POGLUT3: variants seen among roughly 807,000 people sequenced by gnomAD.
POGLUT3 encodes KDEL (Lys-Asp-Glu-Leu) containing 2.
Under a neutral mutation model 54.3 loss-of-function variants are expected in POGLUT3, and 48 were observed. The observed-to-expected ratio is 0.88, with a 90% confidence interval of 0.70 to 1.12. The LOEUF (loss-of-function observed/expected upper bound fraction) is 1.12, where lower values mean the gene tolerates loss of function less well. Among genes scored for constraint, POGLUT3 ranks in the 50% most tolerant of loss-of-function variants. POGLUT3 has a pLI of 0.00. For missense variants in POGLUT3, 629 were observed against 618.7 expected (o/e 1.02, Z -0.18); for synonymous variants, 218 against 237.4 (o/e 0.92, Z 0.75).
At chr11:108,475,463 GTTTTTGTTTTTT>G (rs2093579637) in intron 7 of POGLUT3, among the ~76,000 whole-genome samples, 1 of 109,926 alleles carries the variant, frequency 9.1e-6, no homozygotes, top group Non-Finnish European at 1.8e-5. Context: ...AGTTTTTTTT[GTTTTTGTTTTTT>G]TTTTTTTTTG....
At chr11:108,492,892 C>A (rs1023548729) in intron 1 of POGLUT3, among the ~76,000 whole-genome samples, 1 of 152,084 alleles carries the variant, frequency 6.6e-6, no homozygotes, top group Non-Finnish European at 1.5e-5. Context: ...CATTATTTCC[C>A]ACATGGTTTC....
At chr11:108,484,803 C>T (rs567934073) in intron 3 of POGLUT3, among the ~76,000 whole-genome samples, 1 of 152,194 alleles carries the variant, frequency 6.6e-6, no homozygotes, top group South Asian at 2.1e-4. Flanking sequence ...TTTATGGTCT[C>T]TCTAAGTAAG....
intron 3 of POGLUT3, among the ~76,000 whole-genome samples, chr11:108,484,353 T>C (rs1026257111): frequency 6.6e-6 from 1 of 152,088 alleles, no homozygotes; most frequent in African/African-American, 2.4e-5. Context: ...ATCCTCACAT[T>C]GTGGGCTGGT....
intron 5 of POGLUT3, among the ~76,000 whole-genome samples, chr11:108,480,855 T>C (rs1424980474): frequency 6.6e-6 from 1 of 151,020 alleles, no homozygotes; most frequent in Non-Finnish European, 1.5e-5. Flanking sequence ...GATCACTTTA[T>C]GTAAAAGGTA....
Position 108,474,458 on chromosome 11 carries a change from T to C in POGLUT3, c.*369A>G, listed in dbSNP as rs2093576293. 6.5e-6 allele frequency: 1 copy of C among 153,314 alleles called. No individual in the cohort carries two copies. Among genetic ancestry groups the C allele is most frequent in the Admixed American group, 6.5e-5 (1 of 15,300 alleles). The allele number at this position is 153,314 out of a possible 1,614,324, so 9.5% of individuals were successfully genotyped here. The stretch of plus-strand genomic sequence containing the variant: ...ACCTTTGCTTTCTGACAGTTCAATG[T>C]ATACAAACTTTGTTTCATGCACAAA... On this transcript the variant is annotated 3_prime_UTR_variant, in exon 8 of 8. Transcript: ENST00000323468.
In POGLUT3 at chr11:108,481,312, C is replaced by G; in HGVS notation, c.966G>C (p.Arg322Ser). 1 of 1,612,398 alleles carries G rather than the reference C, an allele frequency of 6.2e-7. No homozygotes were observed. Among genetic ancestry groups the G allele is most frequent in the East Asian group, 2.2e-5 (1 of 44,794 alleles). Residue 322 changes from arginine to serine, a missense_variant, in exon 5 of 8, where the codon AGG becomes AGC. Transcript: ENST00000323468. The stretch of plus-strand genomic sequence containing the variant: ...CTTTGGACAGCTGTACCAACTGGAG[C>G]CTCTCCTCTCGGCTGTCTCTACCTC... ...FFRGRDSREE[R>S]LQLVQLSKEN...
At chr11:108,482,896 C>G (rs1179805082) in intron 3 of POGLUT3, among the ~76,000 whole-genome samples, 2 of 152,134 alleles carry the variant, frequency 1.3e-5, no homozygotes, top group African/African-American at 4.8e-5. Flanking sequence ...CCCTTGTTTT[C>G]CTTCACTGTC....
At position 108,498,301 on chromosome 11, in the gene POGLUT3, GGCCCCC is replaced by G. The variant is rs1429400092; in HGVS notation, c.60_65del (p.Gly21_Ala22del). 6.9e-7 allele frequency: 1 copy of G among 1,455,942 alleles called. No homozygotes were observed. Among genetic ancestry groups the G allele is most frequent in the South Asian group, 1.4e-5 (1 of 73,316 alleles). 90.2% of individuals were successfully genotyped at this position (1,455,942 alleles called of 1,614,324 possible). ...GCGGCGCGCTGACCAGCACCTCCGG[GGCCCCC>G]GCGGCCACCAGCAGGGCGAGGCGCA... is the stretch of plus-strand genomic sequence containing the variant. On this transcript the variant is annotated inframe_deletion, in exon 1 of 8. Coordinates refer to ENST00000323468, the MANE Select transcript of POGLUT3 (RefSeq NM_153705.5).
intron 2 of POGLUT3, 111 bp from the exon 3 acceptor site, chr11:108,486,551 C>A: frequency 9.1e-7 from 1 of 1,093,538 alleles, no homozygotes. Flanking sequence ...CAGAGATAAT[C>A]TGCCCTAGAC....
chr11:108,488,393 A>C (rs1260707783), intron 2 of POGLUT3, among the ~76,000 whole-genome samples: 2 of 152,170 alleles, frequency 1.3e-5, no homozygotes, highest in African/African-American at 4.8e-5. Context: ...GATGGGGAAC[A>C]AATAAGGTAA....
chr11:108,484,888 T>G (rs1479835282), intron 3 of POGLUT3, among the ~76,000 whole-genome samples: 3 of 152,210 alleles, frequency 2.0e-5, no homozygotes, highest in East Asian at 3.9e-4. Flanking sequence ...TTTAAGTTGC[T>G]CTGCTTAAGA....
intron 3 of POGLUT3, 140 bp downstream of exon 3, chr11:108,486,017 A>T: frequency 1.5e-6 from 1 of 670,642 alleles, no homozygotes; most frequent in Non-Finnish European, 2.5e-6. Context: ...GGAGAACATG[A>T]TGAACACTCA....
chr11:108,486,228 G>A lies in POGLUT3; in HGVS notation c.613C>T (p.Arg205Trp), dbSNP rs778413475. ...HYTILNNHVY[R>W]RSLGKYTDFK... ...TCTGTGTATTTCCCTAAAGATCTCC[G>A]GTAAACATGGTTATTGAGAATCGTG... The change falls in exon 3 of 8, where the codon CGG (arginine) becomes TGG (tryptophan). Residue 205 changes from arginine to tryptophan, a missense_variant. Arg to Trp is a moderately radical substitution (Grantham distance 101, BLOSUM62 -3). Transcript: ENST00000323468. 114 of 1,613,432 alleles carry A rather than the reference G, an allele frequency of 7.1e-5. No individual in the cohort carries two copies. Among genetic ancestry groups the A allele is most frequent in the Admixed American group, 1.7e-4 (10 of 59,980 alleles).
chr11:108,482,375 T>C (rs2093594575), intron 3 of POGLUT3, among the ~76,000 whole-genome samples, 153 bp from the exon 4 acceptor site: 1 of 152,208 alleles, frequency 6.6e-6, no homozygotes, highest in African/African-American at 2.4e-5. Flanking sequence ...ACAGGATGGC[T>C]GTGAATTTGT....
intron 6 of POGLUT3, chr11:108,477,936 G>C (rs1194175346): frequency 3.8e-6 from 2 of 521,020 alleles, no homozygotes; most frequent in Non-Finnish European, 6.8e-6. Flanking sequence ...ATCACTTAAG[G>C]TCAAGAGTTC....
chr11:108,480,279 A>T (rs2093589963), intron 5 of POGLUT3, among the ~76,000 whole-genome samples: 1 of 152,212 alleles, frequency 6.6e-6, no homozygotes, highest in African/African-American at 2.4e-5. Flanking sequence ...AGCTGAGGAG[A>T]TAGAAACCTG....
intron 7 of POGLUT3, among the ~76,000 whole-genome samples, chr11:108,477,301 C>G (rs1054990737): frequency 6.6e-6 from 1 of 152,046 alleles, no homozygotes; most frequent in Non-Finnish European, 1.5e-5. Flanking sequence ...ACTTGGGAGT[C>G]TGAGGCAGAA....
intron 7 of POGLUT3, among the ~76,000 whole-genome samples, chr11:108,475,572 A>G (rs761168495): frequency 6.9e-6 from 1 of 145,600 alleles, no homozygotes; most frequent in Non-Finnish European, 1.5e-5. Context: ...GGCTCAAGTG[A>G]TCCTTACACC....
At chr11:108,476,400 T>A (rs2093581870) in intron 7 of POGLUT3, among the ~76,000 whole-genome samples, 1 of 152,140 alleles carries the variant, frequency 6.6e-6, no homozygotes, top group Non-Finnish European at 1.5e-5. Context: ...CCCAAAGTGC[T>A]GGGATTACAG....
Sources: gnomAD v4.1 joint callset for allele counts (sites outside exome capture counted in the v4.1 genomes callset) on GRCh38, gnomAD v4.1.1 for gene constraint, MANE v1.5 for transcripts, NCBI Gene and HGNC (gene_info 2026-07-23, HGNC 2026-07-21) for gene names.